Variants in ZNF384 observed in about 807,000 individuals in gnomAD.
ZNF384 encodes CAG repeat protein 1.
A neutral mutation model predicts 65.0 loss-of-function variants in ZNF384; 20 were observed. The ratio of observed to expected loss-of-function variants is 0.31; its 90% CI spans 0.22 to 0.45. ZNF384 has a LOEUF of 0.45. Among genes scored for constraint, ZNF384 ranks in the 20% least tolerant of loss-of-function variants. The pLI, the probability that ZNF384 is intolerant of heterozygous loss-of-function variation, is 1.00. For synonymous variants in ZNF384, 310 were observed against 303.9 expected, an observed-to-expected ratio of 1.02 and a Z score of -0.21; for missense variants, 549 against 769.4, an observed-to-expected ratio of 0.71 and a Z score of 3.39.
chr12:6,672,310 G>A lies in ZNF384; in HGVS notation c.1187+40C>T. 1 of 1,587,292 alleles carries A rather than the reference G, an allele frequency of 6.3e-7. No homozygotes were observed. The highest frequency in any genetic ancestry group is 1.1e-5 in the South Asian group (1 of 88,036). On this transcript the variant is annotated intron_variant, in intron 9 of 11. Coordinates refer to ENST00000683879, the MANE Select transcript of ZNF384 (RefSeq NM_001385745.1). This position sits in a 1 kb window ranked among gnomAD's most constrained non-coding sequence, Gnocchi z 4.4. The stretch of plus-strand genomic sequence containing the variant: ...TCCGGGGCGGGGGTGGGGAGGGCAT[G>A]CCAGCGGGGCGGGGTCAGTAGCCCG...
chr12:6,677,379 C>T, intron 6 of ZNF384, 120 bp from the exon 7 acceptor site: 2 of 1,085,924 alleles, frequency 1.8e-6, no homozygotes, highest in South Asian at 3.8e-5. Context: ...TTATCCCACT[C>T]TATACAGTGC....
rs190204775 is a variant in ZNF384 at position 6,674,998 on chromosome 12, G to A, written c.780-1558C>T. 3.3e-5 allele frequency among the ~76,000 whole-genome samples: 5 copies of A among 152,276 alleles called. No homozygotes were observed. In the East Asian group the frequency reaches 9.6e-4, roughly 29 times the overall value. ...CTTGATGCTACAATTTCTCAGACAGGTAGAACATATTTATTTTAACCCAAA... is the reference window on the plus strand; with the variant it reads ...CTTGATGCTACAATTTCTCAGACAGATAGAACATATTTATTTTAACCCAAA... On this transcript the variant is annotated intron_variant, in intron 7 of 11. Coordinates refer to ENST00000683879, the MANE Select transcript of ZNF384 (RefSeq NM_001385745.1).
chr12:6,683,473 T>C (rs1380357896), intron 2 of ZNF384, among the ~76,000 whole-genome samples: 6 of 142,514 alleles, frequency 4.2e-5, no homozygotes, highest in African/African-American at 1.3e-4. Flanking sequence ...AGCTCAGGAG[T>C]TCAAGATCAC....
intron 2 of ZNF384, among the ~76,000 whole-genome samples, chr12:6,681,591 A>G (rs1311241234): frequency 1.3e-5 from 2 of 152,202 alleles, no homozygotes; most frequent in Non-Finnish European, 2.9e-5. Flanking sequence ...GGAGGCAAAC[A>G]CTAAGATACT....
Position 6,672,208 on chromosome 12 carries a change from CT to C in ZNF384, c.1187+141del. On this transcript the variant is annotated intron_variant, in intron 9 of 11. Coordinates refer to ENST00000683879, the MANE Select transcript of ZNF384 (RefSeq NM_001385745.1). The surrounding 1 kb of genome is among the most constrained non-coding windows in gnomAD (Gnocchi z 4.4). ...GAATCTCCAGTGTTGTTTGGTCTTCCTTCTCCCAGATGCCAGCCAGGTCTCT... is the reference window on the plus strand; with the variant it reads ...GAATCTCCAGTGTTGTTTGGTCTTCCTCTCCCAGATGCCAGCCAGGTCTCT... The C allele has an allele frequency of 1.1e-6, 1 of 875,604 alleles. No homozygotes were observed. The highest frequency in any genetic ancestry group is 1.7e-6 in the Non-Finnish European group (1 of 585,852). The allele number at this position is 875,604 out of a possible 1,614,324, so 54.2% of individuals were successfully genotyped here. A position where few individuals can be genotyped will look rare whatever the true frequency, so the allele number is the denominator to read the frequency against.
At chr12:6,674,497 ATCT>A (rs10571998) in intron 7 of ZNF384, among the ~76,000 whole-genome samples, 3,737 of 152,336 alleles carry the variant, frequency 0.025, 166 homozygotes, top group African/African-American at 0.084. Flanking sequence ...TCCCTAACTT[ATCT>A]TCTTAAGAGA....
At chr12:6,668,532 A>G (rs552991658) in intron 11 of ZNF384, among the ~76,000 whole-genome samples, 1 of 151,940 alleles carries the variant, frequency 6.6e-6, no homozygotes, top group Non-Finnish European at 1.5e-5. Context: ...GTGAAACCCC[A>G]TGTCTACTAA....
Position 6,682,350 on chromosome 12 carries a change from C to CAAAAG in ZNF384, c.-5-2826_-5-2825insCTTTT, listed in dbSNP as rs1211083398. Reference sequence around the variant, plus strand: ...CAAAACAAAACAAAACAAAACAAAACAAAACAAAACAAAACAAAACAAAAC... The same window carrying CAAAAG: ...CAAAACAAAACAAAACAAAACAAAACAAAAGAAAACAAAACAAAACAAAACAAAAC... On this transcript the variant is annotated intron_variant, in intron 2 of 11. Coordinates refer to ENST00000683879, the MANE Select transcript of ZNF384 (RefSeq NM_001385745.1). 5.1e-3 allele frequency among the ~76,000 whole-genome samples: 765 copies of CAAAAG among 151,478 alleles called. 4 individuals are homozygous for CAAAAG. Among genetic ancestry groups the CAAAAG allele is most frequent in the Admixed American group, 0.013 (193 of 15,190 alleles).
chr12:6,682,672 T>C (rs1232625804), intron 2 of ZNF384, among the ~76,000 whole-genome samples: 1 of 152,022 alleles, frequency 6.6e-6, no homozygotes, highest in East Asian at 1.9e-4. Context: ...AAAGCAAAGA[T>C]GGGAGTCTCA....
chr12:6,673,398 C>T lies in ZNF384; in HGVS notation c.822G>A (p.Met274Ile). Residue 274 changes from methionine to isoleucine, a missense_variant, in exon 8 of 12, where the codon ATG (methionine) becomes ATA (isoleucine). Physicochemically the swap from Met to Ile is conservative, Grantham distance 10. Transcript: ENST00000683879. The surrounding 1 kb of genome is among the most constrained non-coding windows in gnomAD (Gnocchi z 4.7). ...CGGTGTGTGACTTGGAGTGGATCTG[C>T]ATCTCCGACTTGGAGTAGAATGTCA... Reference protein sequence around the residue: ...CSLTFYSKSEMQIHSKSHTET... With the variant: ...CSLTFYSKSEIQIHSKSHTET... The T allele has an allele frequency of 6.2e-7, 1 of 1,614,046 alleles. No homozygotes were observed. The highest frequency in any genetic ancestry group is 1.6e-4 in the Middle Eastern group (1 of 6,062).
At chr12:6,683,178 C>A (rs1015809470) in intron 2 of ZNF384, among the ~76,000 whole-genome samples, 10 of 151,790 alleles carry the variant, frequency 6.6e-5, no homozygotes, top group Non-Finnish European at 1.3e-4. Flanking sequence ...GTAATCCCAG[C>A]TACTCAGGAG....
chr12:6,679,481 G>T lies in ZNF384; in HGVS notation c.40C>A (p.Pro14Thr), dbSNP rs1484021895. The change falls in exon 3 of 12, where the codon CCT becomes ACT. Residue 14 changes from proline to threonine, a missense_variant. Around this residue, in one of 5 missense-constraint regions of ZNF384, gnomAD observed 277 missense variants for 337.2 expected, o/e 0.82. Coordinates refer to ENST00000683879, the MANE Select transcript of ZNF384 (RefSeq NM_001385745.1). ...TGACCTGAGACTGTGGGGATAGAAG[G>T]CCAGAAGTACGGGTTAGAATTGAAG... ...SHFNSNPYFW[P>T]SIPTVSGQIE... The T allele has an allele frequency of 1.2e-6, 2 of 1,613,958 alleles. No homozygotes were observed. The highest frequency in any genetic ancestry group is 2.7e-5 in the African/African-American group (2 of 74,916).
At chr12:6,685,776 C>CAA (rs778337408) in intron 2 of ZNF384, among the ~76,000 whole-genome samples, 912 of 42,616 alleles carry the variant, frequency 0.021, 27 homozygotes, top group African/African-American at 0.047. Context: ...GACTCAGTCT[C>CAA]AAAAAAAAAA....
In ZNF384 at chr12:6,672,334, C is replaced by T. The variant is rs760385794; in HGVS notation, c.1187+16G>A. 15 of 1,609,012 alleles carry T rather than the reference C, an allele frequency of 9.3e-6. No individual in the cohort carries two copies. The highest frequency in any genetic ancestry group is 6.7e-5 in the Admixed American group (4 of 59,726). On this transcript the variant is annotated intron_variant, in intron 9 of 11. Transcript: ENST00000683879. This position sits in a 1 kb window ranked among gnomAD's most constrained non-coding sequence, Gnocchi z 4.4. ...TGCCAGCGGGGCGGGGTCAGTAGCC[C>T]GCCACTCTCCCTTACCGTGTGTGCT...
chr12:6,682,760 G>A (rs1050317333), intron 2 of ZNF384, among the ~76,000 whole-genome samples: 9 of 152,148 alleles, frequency 5.9e-5, no homozygotes. Flanking sequence ...TTTTGGGAAG[G>A]AGCAATCACA....
At chr12:6,684,543 C>T (rs144743187) in intron 2 of ZNF384, among the ~76,000 whole-genome samples, 6 of 152,106 alleles carry the variant, frequency 3.9e-5, no homozygotes, top group African/African-American at 1.4e-4. Context: ...AATAAAAAGC[C>T]CCTCCACTTA....
chr12:6,680,411 G>A (rs1955484858), intron 2 of ZNF384, among the ~76,000 whole-genome samples: 1 of 152,170 alleles, frequency 6.6e-6, no homozygotes, highest in African/African-American at 2.4e-5. Context: ...CACTTTGGGA[G>A]GCTGAGGCAG....
intron 7 of ZNF384, among the ~76,000 whole-genome samples, chr12:6,675,120 A>T (rs1953001682): frequency 1.3e-5 from 2 of 152,268 alleles, no homozygotes; most frequent in African/African-American, 2.4e-5. Context: ...CCACTTAGTC[A>T]AAGTTTCCAA....
intron 7 of ZNF384, among the ~76,000 whole-genome samples, chr12:6,675,842 G>A (rs886096150): frequency 3.3e-5 from 5 of 152,282 alleles, no homozygotes; most frequent in Non-Finnish European, 7.3e-5. Flanking sequence ...ATGAAGGCAT[G>A]GCTGATCTTC....
Sources: allele counts gnomAD v4.1 joint callset (sites outside exome capture counted in the v4.1 genomes callset), GRCh38; gene constraint gnomAD v4.1.1; regional missense constraint gnomAD v4.1.1; non-coding constraint Gnocchi (gnomAD v3.1); transcripts MANE v1.5; gene names NCBI Gene and HGNC (gene_info 2026-07-23, HGNC 2026-07-21).